PFKFB3: variants seen among roughly 807,000 people sequenced by gnomAD.
The protein encoded by PFKFB3 is 6-phosphofructo-2-kinase/fructose-2,6-bisphosphatase 3.
Under a neutral mutation model 68.0 loss-of-function variants are expected in PFKFB3, and 33 were observed. The ratio of observed to expected loss-of-function variants is 0.49; its 90% confidence interval spans 0.37 to 0.65. The LOEUF (loss-of-function observed/expected upper bound fraction) is 0.65, where lower values mean the gene tolerates loss of function less well. PFKFB3 is among the 30% of genes least tolerant of loss of function. The pLI, the probability that PFKFB3 is intolerant of heterozygous loss-of-function variation, is 0.00. For missense variants in PFKFB3, 586 were observed against 712.2 expected (o/e 0.82, Z 2.02); for synonymous variants, 315 against 288.2 (o/e 1.09, Z -0.94).
intron 1 of PFKFB3, among the ~76,000 whole-genome samples, chr10:6,153,027 A>G (rs993506158): frequency 2.6e-5 from 4 of 151,782 alleles, no homozygotes; most frequent in African/African-American, 9.7e-5. Flanking sequence ...TAAAAATACA[A>G]AAAAATTAGC....
intron 1 of PFKFB3, among the ~76,000 whole-genome samples, chr10:6,208,312 C>T (rs987571437): frequency 6.7e-6 from 1 of 150,274 alleles, no homozygotes; most frequent in Non-Finnish European, 1.5e-5. Context: ...TGGCCTCAAG[C>T]AATGCCCCCT....
At chr10:6,226,441 G>A (rs912409950) in intron 14 of PFKFB3, 76 bp downstream of exon 14, 67 of 1,435,424 alleles carry the variant, frequency 4.7e-5, no homozygotes, top group South Asian at 1.2e-4. Flanking sequence ...GATTGCGTGC[G>A]TGTGTGTTTG....
At chr10:6,161,653 G>C (rs1038933956) in intron 1 of PFKFB3, among the ~76,000 whole-genome samples, 3 of 149,968 alleles carry the variant, frequency 2.0e-5, no homozygotes, top group African/African-American at 7.3e-5. Flanking sequence ...GAGAGAGAGA[G>C]AGAGAATCTC....
chr10:6,262,584 TA>T, the PFKFB3 span, among the ~76,000 whole-genome samples: 1 of 151,604 alleles, frequency 6.6e-6, no homozygotes, highest in Non-Finnish European at 1.5e-5. Flanking sequence ...CCTAAGGCCA[TA>T]AGGATATTTG....
the PFKFB3 span, among the ~76,000 whole-genome samples, chr10:6,273,766 GAGA>G: frequency 6.6e-6 from 1 of 152,184 alleles, no homozygotes; most frequent in Non-Finnish European, 1.5e-5. Flanking sequence ...CACATGCAGA[GAGA>G]AGGTGATGAG....
the PFKFB3 span, among the ~76,000 whole-genome samples, chr10:6,317,470 T>C: frequency 6.6e-6 from 1 of 152,216 alleles, no homozygotes; most frequent in African/African-American, 2.4e-5. Flanking sequence ...TTCAGGTTTC[T>C]TCCTAGATTG....
At chr10:6,194,759 G>A (rs1843129948) in intron 1 of PFKFB3, among the ~76,000 whole-genome samples, 1 of 152,166 alleles carries the variant, frequency 6.6e-6, no homozygotes, top group Non-Finnish European at 1.5e-5. Flanking sequence ...CACCTGATTT[G>A]TCCCTTTGCA....
In PFKFB3 at chr10:6,217,137, G is replaced by A. The variant is rs34969226; in HGVS notation, c.444G>A (p.Ala148=). The A allele has an allele frequency of 1.2e-4, 199 of 1,614,166 alleles. No homozygotes were observed. In the African/African-American group the frequency reaches 1.7e-3, roughly 14 times the overall value. The change falls in exon 6 of 15, where the codon GCG becomes GCA. Residue 148 remains alanine, a splice_region_variant and synonymous_variant. Coordinates refer to ENST00000379775, the MANE Select transcript of PFKFB3 (RefSeq NM_004566.4). ...CATCCCCACCTCACTTCCACCAGGC[G>A]TTTTTCATCGAGTCGGTGTGCGACG... is the stretch of plus-strand genomic sequence containing the variant. ...LHFAKENDFK[A]FFIESVCDDP...
downstream of PFKFB3, among the ~76,000 whole-genome samples, chr10:6,257,912 T>A (rs554391441): frequency 1.3e-5 from 2 of 152,228 alleles, no homozygotes; most frequent in African/African-American, 4.8e-5. Context: ...TGGTAATCCT[T>A]CAGCCCCTCC....
intron 2 of PFKFB3, among the ~76,000 whole-genome samples, chr10:6,214,257 C>T (rs1413894746): frequency 2.6e-5 from 4 of 152,166 alleles, no homozygotes; most frequent in South Asian, 2.1e-4. Flanking sequence ...GGAGTGAACC[C>T]TATTGTGAAC....
At chr10:6,317,356 TCTC>T in the PFKFB3 span, among the ~76,000 whole-genome samples, 1 of 152,116 alleles carries the variant, frequency 6.6e-6, no homozygotes, top group Non-Finnish European at 1.5e-5. Context: ...GAAGATAAAT[TCTC>T]CTGGGATCTT....
At chr10:6,173,748 G>A (rs797010886) in intron 1 of PFKFB3, among the ~76,000 whole-genome samples, 2 of 151,978 alleles carry the variant, frequency 1.3e-5, no homozygotes, top group African/African-American at 4.8e-5. Flanking sequence ...GGAGGGGAAA[G>A]GTTGCTTGAG....
intron 14 of PFKFB3, among the ~76,000 whole-genome samples, chr10:6,253,473 CT>C (rs1846425428): frequency 6.6e-6 from 1 of 152,066 alleles, no homozygotes; most frequent in Non-Finnish European, 1.5e-5. Context: ...ACACCCTTGG[CT>C]AAGGTCAATG....
chr10:6,317,781 A>G, the PFKFB3 span, among the ~76,000 whole-genome samples: 2 of 152,220 alleles, frequency 1.3e-5, no homozygotes, highest in Admixed American at 1.3e-4. Context: ...ATTTGGAGAC[A>G]GAGGCTGAGG....
chr10:6,253,288 A>T (rs1164528365), intron 14 of PFKFB3, among the ~76,000 whole-genome samples: 1 of 152,192 alleles, frequency 6.6e-6, no homozygotes, highest in Non-Finnish European at 1.5e-5. Context: ...TAAAATCGTA[A>T]CTGCTTCTTT....
intron 1 of PFKFB3, among the ~76,000 whole-genome samples, chr10:6,205,388 C>CTTT (rs3084014): frequency 0.077 from 8,114 of 106,056 alleles, 669 homozygotes; most frequent in African/African-American, 0.11. Context: ...TTCTTTCTTC[C>CTTT]TTTTTTTTTT....
intron 1 of PFKFB3, among the ~76,000 whole-genome samples, chr10:6,178,471 C>T (rs543023143): frequency 9.8e-5 from 15 of 152,300 alleles, no homozygotes; most frequent in Non-Finnish European, 1.8e-4. Flanking sequence ...CAAGCTCAGG[C>T]GGGAGCTTTG....
At chr10:6,302,187 TG>T in the PFKFB3 span, among the ~76,000 whole-genome samples, 6 of 151,452 alleles carry the variant, frequency 4.0e-5, no homozygotes, top group Non-Finnish European at 5.9e-5. Context: ...CTTGAATAGC[TG>T]GGATTACAGG....
chr10:6,316,114 GT>G, the PFKFB3 span, among the ~76,000 whole-genome samples: 3,309 of 152,316 alleles, frequency 0.022, 55 homozygotes, highest in Non-Finnish European at 0.036. Flanking sequence ...TGGTGTATGT[GT>G]ATGGAGACGT....
Sources: gnomAD v4.1 joint callset for allele counts (sites outside exome capture counted in the v4.1 genomes callset) on GRCh38, gnomAD v4.1.1 for gene constraint, MANE v1.5 for transcripts, NCBI Gene and HGNC (gene_info 2026-07-23, HGNC 2026-07-21) for gene names.